Variants in ABCD3 observed in about 807,000 individuals in gnomAD.
The protein encoded by ABCD3 is ATP-binding cassette sub-family D member 3.
A neutral mutation model predicts 105.5 loss-of-function variants in ABCD3; 41 were observed. That is an observed-to-expected ratio of 0.39 (90% CI 0.30 to 0.50). The LOEUF (loss-of-function observed/expected upper bound fraction) is 0.50, where lower values mean the gene tolerates loss of function less well. ABCD3 is among the 20% of genes least tolerant of loss of function. The pLI is 0.84. For missense variants in ABCD3, 622 were observed against 806.3 expected, an observed-to-expected ratio of 0.77 and a Z score of 2.77; for synonymous variants, 258 against 269.0, an observed-to-expected ratio of 0.96 and a Z score of 0.40.
rs1409356173 is a variant in ABCD3 at position 94,428,651 on chromosome 1, C to T, written c.110+10063C>T. On this transcript the variant is annotated intron_variant, in intron 1 of 22. Transcript: ENST00000370214. ...TTTTTTAAAGAGGAGTTCTCCTGTA[C>T]AAGCTCTTTTTGCCTGCCGCCATCC... 2.0e-5 allele frequency among the ~76,000 whole-genome samples: 3 copies of T among 152,244 alleles called. No homozygotes were observed. In the East Asian group the frequency reaches 5.8e-4, roughly 29 times the overall value.
intron 10 of ABCD3, among the ~76,000 whole-genome samples, chr1:94,485,639 G>A (rs1649243204): frequency 6.6e-6 from 1 of 152,052 alleles, no homozygotes; most frequent in Non-Finnish European, 1.5e-5. Context: ...ATTTGAAATG[G>A]CCTCCAACAG....
chr1:94,404,688 AT>A, the ABCD3 span, among the ~76,000 whole-genome samples: 197 of 151,828 alleles, frequency 1.3e-3, no homozygotes, highest in Non-Finnish European at 1.8e-3. Flanking sequence ...TTGTTATCTG[AT>A]TTTTCATCTA....
intron 1 of ABCD3, among the ~76,000 whole-genome samples, chr1:94,439,336 T>C (rs1188319605): frequency 6.6e-6 from 1 of 152,108 alleles, no homozygotes; most frequent in East Asian, 1.9e-4. Context: ...AAGGATTTTT[T>C]TTTCACATTA....
chr1:94,462,759 T>C (rs1028303107), intron 2 of ABCD3, among the ~76,000 whole-genome samples: 1 of 152,142 alleles, frequency 6.6e-6, no homozygotes, highest in Non-Finnish European at 1.5e-5. Context: ...CACCTCAGGA[T>C]TGTGCCACTT....
At chr1:94,497,626 C>T (rs998768081) in intron 16 of ABCD3, among the ~76,000 whole-genome samples, 4 of 152,250 alleles carry the variant, frequency 2.6e-5, no homozygotes, top group African/African-American at 9.6e-5. Context: ...AATTTAGTGA[C>T]ACTTGTATAT....
Position 94,418,449 on chromosome 1 carries a change from C to T in ABCD3, c.-30C>T, listed in dbSNP as rs369326473. The T allele has an allele frequency of 7.1e-6, 11 of 1,549,684 alleles. No homozygotes were observed. The highest frequency in any genetic ancestry group is 4.7e-5 in the East Asian group (2 of 42,708). On this transcript the variant is annotated 5_prime_UTR_variant, in exon 1 of 23. Transcript: ENST00000370214. Reference sequence around the variant, plus strand: ...CGCCGCCGCCGCCGCCGCCGCGTCCCCTCGCCGGCTCGCTGGTACCGGCAG... The same window carrying T: ...CGCCGCCGCCGCCGCCGCCGCGTCCTCTCGCCGGCTCGCTGGTACCGGCAG...
intron 1 of ABCD3, among the ~76,000 whole-genome samples, chr1:94,446,266 C>T (rs1660342616): frequency 6.6e-6 from 1 of 152,230 alleles, no homozygotes; most frequent in South Asian, 2.1e-4. Flanking sequence ...TCCCCTGCCA[C>T]AGCTGGTAGT....
the ABCD3 span, among the ~76,000 whole-genome samples, chr1:94,391,066 G>T: frequency 2.8e-3 from 422 of 152,172 alleles, 2 homozygotes; most frequent in African/African-American, 9.7e-3. Flanking sequence ...TCCTTTTGGG[G>T]AATATTTATC....
chr1:94,505,784 A>G (rs2101053933), intron 20 of ABCD3, among the ~76,000 whole-genome samples: 1 of 152,290 alleles, frequency 6.6e-6, no homozygotes, highest in East Asian at 1.9e-4. Flanking sequence ...TTTCTCAAGA[A>G]GGATGGAGTG....
chr1:94,442,889 A>G (rs888777403), intron 1 of ABCD3, among the ~76,000 whole-genome samples: 1 of 152,096 alleles, frequency 6.6e-6, no homozygotes, highest in East Asian at 1.9e-4. Flanking sequence ...GGTTGATTCC[A>G]TATCTTTACT....
At chr1:94,474,774 C>G (rs1648652178) in intron 5 of ABCD3, among the ~76,000 whole-genome samples, 1 of 148,748 alleles carries the variant, frequency 6.7e-6, no homozygotes. Flanking sequence ...ATTCCGTTGT[C>G]TAGGGTTGTA....
Position 94,480,583 on chromosome 1 carries a change from T to G in ABCD3, c.804T>G (p.Val268=). ...EQKYEGEYRY[V]NSRLITNSEE... is the part of the protein sequence containing the mutation. ...AGTATGAAGGAGAATATAGATATGT[T>G]AATTCTCGGCTCATCACAAACAGGT... Residue 268 remains valine (V), a synonymous_variant, in exon 9 of 23, where the codon GTT becomes GTG. Transcript: ENST00000370214. 1 of 1,613,784 alleles carries G rather than the reference T, an allele frequency of 6.2e-7. No individual in the cohort carries two copies. The highest frequency in any genetic ancestry group is 8.5e-7 in the Non-Finnish European group (1 of 1,179,756).
chr1:94,466,560 A>G (rs934424151), intron 3 of ABCD3, among the ~76,000 whole-genome samples: 1 of 152,216 alleles, frequency 6.6e-6, no homozygotes, highest in South Asian at 2.1e-4. Flanking sequence ...TCATTTGTTT[A>G]CAACATCATG....
At chr1:94,428,078 T>A (rs947427608) in intron 1 of ABCD3, among the ~76,000 whole-genome samples, 6 of 152,042 alleles carry the variant, frequency 3.9e-5, no homozygotes, top group South Asian at 2.1e-4. Context: ...TGTTTTGTTT[T>A]TTTTTTTATT....
At chr1:94,506,992 A>T (rs1232379828) in intron 21 of ABCD3, among the ~76,000 whole-genome samples, 8 of 151,686 alleles carry the variant, frequency 5.3e-5, no homozygotes. Context: ...TTTATTTTTT[A>T]ATTTATTATT....
chr1:94,418,331 C>A, upstream of ABCD3: 2 of 524,688 alleles, frequency 3.8e-6, no homozygotes, highest in South Asian at 7.5e-5. Flanking sequence ...GCGCGGGCGG[C>A]GCGGCGGCGC....
At chr1:94,435,354 A>G (rs1659857508) in intron 1 of ABCD3, among the ~76,000 whole-genome samples, 1 of 152,130 alleles carries the variant, frequency 6.6e-6, no homozygotes, top group Admixed American at 6.5e-5. Context: ...AGTCTGGGCA[A>G]CGTAATGAGA....
intron 1 of ABCD3, among the ~76,000 whole-genome samples, chr1:94,446,646 C>T (rs2100928062): frequency 6.6e-6 from 1 of 152,264 alleles, no homozygotes; most frequent in Admixed American, 6.5e-5. Flanking sequence ...GATAAATGTC[C>T]TACCTGTGAA....
At chr1:94,422,577 A>C (rs909203512) in intron 1 of ABCD3, among the ~76,000 whole-genome samples, 7 of 152,182 alleles carry the variant, frequency 4.6e-5, no homozygotes, top group African/African-American at 1.4e-4. Context: ...TTTTGCCTAC[A>C]TCAGATCCTG....
Sources: allele counts gnomAD v4.1 joint callset (sites outside exome capture counted in the v4.1 genomes callset), GRCh38; gene constraint gnomAD v4.1.1; transcripts MANE v1.5; gene names NCBI Gene and HGNC (gene_info 2026-07-23, HGNC 2026-07-21).